The following LY86 variants were observed in gnomAD, a reference collection of about 807,000 sequenced individuals.
LY86 encodes the protein lymphocyte antigen 86.
LY86 carries 20 observed loss-of-function variants against 17.3 expected under a neutral mutation model. That is an observed-to-expected ratio of 1.15 (90% CI 0.81 to 1.68). The LOEUF is 1.68. LY86 is among the 40% of genes most tolerant of loss of function. LY86 has a pLI of 0.00. For missense variants in LY86, 200 were observed against 191.9 expected, an observed-to-expected ratio of 1.04 and a Z score of -0.25; for synonymous variants, 74 against 70.6, an observed-to-expected ratio of 1.05 and a Z score of -0.24.
At chr6:6,640,332 C>T (rs1762019779) in intron 3 of LY86, among the ~76,000 whole-genome samples, 1 of 151,350 alleles carries the variant, frequency 6.6e-6, no homozygotes, top group Non-Finnish European at 1.5e-5. Flanking sequence ...CCGAGGGGCA[C>T]AGATTGCTTG....
chr6:6,628,004 G>C (rs942182150), intron 3 of LY86, among the ~76,000 whole-genome samples: 3 of 151,366 alleles, frequency 2.0e-5, no homozygotes, highest in African/African-American at 7.3e-5. Flanking sequence ...AAATCTTTCT[G>C]CCCAGTGATC....
chr6:6,618,228 A>G (rs748128553), intron 1 of LY86, among the ~76,000 whole-genome samples: 29 of 152,170 alleles, frequency 1.9e-4, no homozygotes, highest in Admixed American at 9.8e-4. Context: ...ATTTGGCAAG[A>G]TATTTTGGGC....
chr6:6,596,604 A>G (rs1261257188), intron 1 of LY86, among the ~76,000 whole-genome samples: 1 of 152,254 alleles, frequency 6.6e-6, no homozygotes, highest in Non-Finnish European at 1.5e-5. Flanking sequence ...TTGAACAGCT[A>G]GCTGCCTTGA....
chr6:6,639,247 G>A (rs115769472), intron 3 of LY86, among the ~76,000 whole-genome samples: 435 of 152,262 alleles, frequency 2.9e-3, no homozygotes, highest in African/African-American at 9.9e-3. Flanking sequence ...CTAAACCCAA[G>A]CACTTTCTCT....
chr6:6,603,540 A>G (rs1276934272), intron 1 of LY86, among the ~76,000 whole-genome samples: 1 of 151,086 alleles, frequency 6.6e-6, no homozygotes, highest in Admixed American at 6.6e-5. Context: ...AATAGCAACA[A>G]CAACAAAATG....
intron 3 of LY86, among the ~76,000 whole-genome samples, chr6:6,639,542 C>T (rs754033326): frequency 6.6e-6 from 1 of 152,198 alleles, no homozygotes; most frequent in Non-Finnish European, 1.5e-5. Context: ...CAGGGAAAGC[C>T]GGCTTTCTCG....
chr6:6,637,122 C>T (rs1761971605), intron 3 of LY86, among the ~76,000 whole-genome samples: 1 of 150,950 alleles, frequency 6.6e-6, no homozygotes, highest in African/African-American at 2.4e-5. Flanking sequence ...ATGCCATTCT[C>T]CTGCCTTAGC....
chr6:6,601,449 G>A (rs1276582076), intron 1 of LY86, among the ~76,000 whole-genome samples: 2 of 152,230 alleles, frequency 1.3e-5, no homozygotes, highest in Admixed American at 6.5e-5. Context: ...GAGGCCGGGC[G>A]CGGTGGCTCA....
At chr6:6,592,459 T>A (rs1317066262) in intron 1 of LY86, among the ~76,000 whole-genome samples, 1 of 152,044 alleles carries the variant, frequency 6.6e-6, no homozygotes, top group Non-Finnish European at 1.5e-5. Flanking sequence ...TACACGAAGA[T>A]GTGAGGAGAT....
intron 4 of LY86, among the ~76,000 whole-genome samples, chr6:6,650,527 G>T (rs967924912): frequency 6.6e-6 from 1 of 152,036 alleles, no homozygotes; most frequent in African/African-American, 2.4e-5. Context: ...TAGAAACAGG[G>T]TTTCACCATA....
intron 1 of LY86, among the ~76,000 whole-genome samples, chr6:6,605,630 T>C (rs7766305): frequency 0.89 from 135,595 of 152,318 alleles, 60,432 homozygotes; most frequent in Middle Eastern, 0.97. Flanking sequence ...GAAGCAACAT[T>C]CCAATGTTTT....
chr6:6,598,554 T>C (rs1276094151), intron 1 of LY86, among the ~76,000 whole-genome samples: 2 of 152,202 alleles, frequency 1.3e-5, no homozygotes, highest in Non-Finnish European at 2.9e-5. Context: ...CAAGTTGAGC[T>C]CTCTTTACTT....
At chr6:6,600,394 A>T (rs4960219) in intron 1 of LY86, among the ~76,000 whole-genome samples, 3 of 151,532 alleles carry the variant, frequency 2.0e-5, no homozygotes, top group African/African-American at 4.9e-5. Context: ...GTTCGAGATC[A>T]GTCGGTCCAA....
chr6:6,604,327 G>A (rs1761023400), intron 1 of LY86, among the ~76,000 whole-genome samples: 1 of 151,936 alleles, frequency 6.6e-6, no homozygotes, highest in Non-Finnish European at 1.5e-5. Flanking sequence ...TATATAAAAT[G>A]TATAGCTTCT....
intron 1 of LY86, among the ~76,000 whole-genome samples, chr6:6,599,754 C>G (rs946661061): frequency 3.3e-5 from 5 of 152,218 alleles, no homozygotes; most frequent in Non-Finnish European, 7.3e-5. Flanking sequence ...AAGCCAAGTG[C>G]CTCCTTGTTT....
intron 1 of LY86, among the ~76,000 whole-genome samples, chr6:6,591,895 C>A (rs572726602): frequency 1.1e-4 from 16 of 152,228 alleles, no homozygotes; most frequent in African/African-American, 3.6e-4. Flanking sequence ...TGGGACCAGG[C>A]ACAGGGTTCA....
chr6:6,624,896 G>A (rs372994760), intron 1 of LY86, 30 bp from the exon 2 acceptor site: 32 of 1,055,782 alleles, frequency 3.0e-5, no homozygotes, highest in Middle Eastern at 2.1e-4. Context: ...CGATGTACTC[G>A]CAACTAATCT....
intron 1 of LY86, 41 bp downstream of exon 1, chr6:6,588,911 G>A: frequency 6.2e-7 from 1 of 1,602,196 alleles, no homozygotes; most frequent in Non-Finnish European, 8.5e-7. Context: ...TATGGGGAAA[G>A]CAAGGCCCAC....
At chr6:6,624,033 G>A (rs1271018374) in intron 1 of LY86, among the ~76,000 whole-genome samples, 2 of 152,212 alleles carry the variant, frequency 1.3e-5, no homozygotes, top group Non-Finnish European at 2.9e-5. Context: ...TCACAAAGAA[G>A]ATGGGAATGA....
Sources: allele counts gnomAD v4.1 joint callset (sites outside exome capture counted in the v4.1 genomes callset), GRCh38; gene constraint gnomAD v4.1.1; transcripts MANE v1.5; gene names NCBI Gene and HGNC (gene_info 2026-07-23, HGNC 2026-07-21).